Variants in RGS6 observed in about 807,000 individuals in gnomAD.
RGS6 encodes regulator of G protein signaling 6, also known as regulator of G-protein signaling 6.
In RGS6, 30 loss-of-function variants were observed where a neutral mutation model predicts 78.5. That is an observed-to-expected ratio of 0.38 (90% CI 0.29 to 0.52). The LOEUF (loss-of-function observed/expected upper bound fraction) is 0.52. Ranked by LOEUF, RGS6 falls within the 20% of genes least tolerant of loss-of-function variation. The probability of loss-of-function intolerance (pLI) is 0.85; values close to 1 mark genes in which losing one functional copy is unlikely to be tolerated. For missense variants in RGS6, 495 were observed against 609.7 expected (o/e 0.81, Z 1.98); for synonymous variants, 206 against 206.0 (o/e 1.00, Z 0.00).
intron 2 of RGS6, among the ~76,000 whole-genome samples, chr14:72,231,608 G>A (rs1001006571): frequency 1.3e-5 from 2 of 152,194 alleles, no homozygotes; most frequent in Non-Finnish European, 1.5e-5. Context: ...ATGAAGAATA[G>A]TAAAGCCAAG....
At chr14:72,337,135 A>C (rs2076174566) in intron 2 of RGS6, among the ~76,000 whole-genome samples, 1 of 152,004 alleles carries the variant, frequency 6.6e-6, no homozygotes, top group Admixed American at 6.5e-5. Context: ...CCATCAGGCA[A>C]AGCTCCTGGA....
chr14:72,542,366 C>A (rs2097338373), intron 17 of RGS6, among the ~76,000 whole-genome samples: 1 of 152,206 alleles, frequency 6.6e-6, no homozygotes, highest in Non-Finnish European at 1.5e-5. Context: ...TCAAACAGAA[C>A]TAACTAACTG....
intron 2 of RGS6, among the ~76,000 whole-genome samples, chr14:72,289,131 T>A (rs2063122140): frequency 6.6e-6 from 1 of 152,210 alleles, no homozygotes; most frequent in South Asian, 2.1e-4. Flanking sequence ...GAAATGGTAT[T>A]AACCCTTAAT....
Position 72,348,801 on chromosome 14 carries a change from A to G in RGS6, c.85-3294A>G, listed in dbSNP as rs185945184. Among the ~76,000 whole-genome samples the G allele has an allele frequency of 7.6e-4, 116 of 152,296 alleles. 1 individual carries two copies. The East Asian group carries it at 0.015, about 19-fold the overall frequency. On this transcript the variant is annotated intron_variant, in intron 2 of 17. Transcript: ENST00000553525. ...GGCTTCAGAAATTTCTGATAAATGC[A>G]TTTTTTCAGAGTGTTGTTGTATCAT...
chr14:72,250,623 A>C (rs1044662249), intron 2 of RGS6, among the ~76,000 whole-genome samples: 2 of 152,208 alleles, frequency 1.3e-5, no homozygotes, highest in African/African-American at 2.4e-5. Context: ...TTGAATAAAC[A>C]GAGGATCACC....
At chr14:72,623,165 T>C in the RGS6 span, among the ~76,000 whole-genome samples, 1 of 152,342 alleles carries the variant, frequency 6.6e-6, no homozygotes, top group Middle Eastern at 3.4e-3. Context: ...TATTTTTTAG[T>C]GGTTGCCTAT....
chr14:72,502,766 GA>G (rs2096745270), intron 13 of RGS6, among the ~76,000 whole-genome samples: 1 of 144,992 alleles, frequency 6.9e-6, no homozygotes, highest in Admixed American at 6.8e-5. Context: ...TCCATCTCAA[GA>G]AAAGAAAGGA....
intron 12 of RGS6, among the ~76,000 whole-genome samples, chr14:72,480,322 G>A (rs767810939): frequency 2.0e-5 from 3 of 152,196 alleles, no homozygotes; most frequent in Non-Finnish European, 4.4e-5. Flanking sequence ...AGAGTCCAAG[G>A]AATGGAGGAA....
In RGS6 at chr14:72,565,375, T is replaced by C; in HGVS notation, c.*2908T>C. 6.6e-6 allele frequency: 1 copy of C among 152,260 alleles called. No homozygotes were observed. Among genetic ancestry groups the C allele is most frequent in the Non-Finnish European group, 1.5e-5 (1 of 68,062 alleles). 9.4% of individuals were successfully genotyped at this position (152,260 alleles called of 1,614,324 possible). A position where few individuals can be genotyped will look rare whatever the true frequency, so the allele number is the denominator to read the frequency against. On this transcript the variant is annotated 3_prime_UTR_variant, in exon 18 of 18. Transcript: ENST00000553525. The stretch of plus-strand genomic sequence containing the variant: ...TTCCCTACATGGGAAGAGGAAAGCT[T>C]GTAGGCTGGCACATATAAACGTCCA...
At chr14:72,471,088 G>T (rs1038637230) in intron 8 of RGS6, among the ~76,000 whole-genome samples, 2 of 152,118 alleles carry the variant, frequency 1.3e-5, no homozygotes, top group African/African-American at 4.8e-5. Flanking sequence ...TGACCCAGAT[G>T]GGGGCCCAGA....
the RGS6 span, among the ~76,000 whole-genome samples, chr14:71,921,938 G>A: frequency 6.6e-6 from 1 of 152,162 alleles, no homozygotes; most frequent in African/African-American, 2.4e-5. Flanking sequence ...ATTCTCCCAA[G>A]CTTTTTCACC....
chr14:72,608,805 C>T, the RGS6 span, among the ~76,000 whole-genome samples: 1 of 152,200 alleles, frequency 6.6e-6, no homozygotes, highest in Non-Finnish European at 1.5e-5. Flanking sequence ...CAACTGAGAC[C>T]TGGAATTTGT....
downstream of RGS6, among the ~76,000 whole-genome samples, chr14:72,568,995 G>A (rs1259917666): frequency 2.0e-5 from 3 of 152,146 alleles, no homozygotes; most frequent in Non-Finnish European, 4.4e-5. Context: ...GGGAGCGGAC[G>A]TTTAAAAAAT....
At chr14:72,548,327 TTGTGTGTGTGTGTGTGCGCGCGTGTG>T (rs56814663) in intron 17 of RGS6, among the ~76,000 whole-genome samples, 6,103 of 147,234 alleles carry the variant, frequency 0.041, 212 homozygotes, top group African/African-American at 0.096. Context: ...CAGATCATAT[TTGTGTGTGTGTGTGTGCGCGCGTGTG>T]TGTGTGTGTG....
At chr14:72,160,049 TGAGCACCA>T (rs1437317849) in intron 2 of RGS6, among the ~76,000 whole-genome samples, 1 of 152,228 alleles carries the variant, frequency 6.6e-6, no homozygotes, top group African/African-American at 2.4e-5. Flanking sequence ...ACTTTATGGG[TGAGCACCA>T]GTATCTACTT....
intron 3 of RGS6, among the ~76,000 whole-genome samples, chr14:72,411,973 A>AT (rs1265636949): frequency 3.9e-5 from 6 of 152,190 alleles, no homozygotes; most frequent in African/African-American, 1.4e-4. Flanking sequence ...GTTTGCCAGT[A>AT]TTTTACCGAG....
intron 7 of RGS6, 100 bp from the exon 8 acceptor site, chr14:72,469,907 G>A (rs1345224750): frequency 2.4e-6 from 2 of 848,352 alleles, no homozygotes; most frequent in Non-Finnish European, 3.9e-6. Context: ...TATTTTGTTG[G>A]AAGTAACCAA....
At chr14:71,889,801 G>A in the RGS6 span, among the ~76,000 whole-genome samples, 1,953 of 152,268 alleles carry the variant, frequency 0.013, 41 homozygotes, top group African/African-American at 0.044. Context: ...GGGGGCAGGC[G>A]TCTCACGAAT....
chr14:71,956,573 TG>T (rs1566906466), intron 1 of RGS6, among the ~76,000 whole-genome samples: 5 of 152,018 alleles, frequency 3.3e-5, no homozygotes, highest in African/African-American at 1.2e-4. Flanking sequence ...GGGAGAAAGA[TG>T]TAGGCTGGGA....
Sources: gnomAD v4.1 joint callset for allele counts (sites outside exome capture counted in the v4.1 genomes callset) on GRCh38, gnomAD v4.1.1 for gene constraint, MANE v1.5 for transcripts, NCBI Gene and HGNC (gene_info 2026-07-23, HGNC 2026-07-21) for gene names.